The following INSL3 variants were observed in gnomAD, a reference collection of about 807,000 sequenced individuals.
INSL3 encodes the protein insulin like 3, also known as insulin-like 3.
In INSL3, 6 loss-of-function variants were observed where a neutral mutation model predicts 5.5. The observed-to-expected ratio is 1.08, with a 90% confidence interval of 0.59 to 2.14. The LOEUF (loss-of-function observed/expected upper bound fraction) is 2.14. INSL3 is among the 30% of genes most tolerant of loss of function. The probability of loss-of-function intolerance (pLI) is 0.00; values close to 1 mark genes in which losing one functional copy is unlikely to be tolerated. For synonymous variants in INSL3, 86 were observed against 82.1 expected (o/e 1.05, Z -0.26); for missense variants, 178 against 184.7 (o/e 0.96, Z 0.21).
At chr19:17,819,170 G>C (rs1234392245) in intron 1 of INSL3, among the ~76,000 whole-genome samples, 4 of 145,908 alleles carry the variant, frequency 2.7e-5, no homozygotes, top group Non-Finnish European at 6.0e-5. Context: ...GGAGGCAGAG[G>C]TTGCAATGAG....
intron 1 of INSL3, among the ~76,000 whole-genome samples, chr19:17,821,072 C>T (rs1457238355): frequency 6.6e-6 from 1 of 152,146 alleles, no homozygotes; most frequent in Non-Finnish European, 1.5e-5. Context: ...CCACCCGCCT[C>T]AGCCTCCCAA....
intron 1 of INSL3, 112 bp downstream of exon 1, chr19:17,821,205 C>T (rs1305098469): frequency 5.5e-6 from 7 of 1,266,244 alleles, no homozygotes; most frequent in Non-Finnish European, 7.7e-6. Context: ...CAGGTGAGCC[C>T]TGGGCACATG....
intron 1 of INSL3, among the ~76,000 whole-genome samples, chr19:17,819,523 G>A (rs1478403554): frequency 6.6e-6 from 1 of 152,174 alleles, no homozygotes; most frequent in Non-Finnish European, 1.5e-5. Flanking sequence ...GCTGAGGCGG[G>A]CAGATCACCT....
At chr19:17,820,233 G>A (rs967613767) in intron 1 of INSL3, among the ~76,000 whole-genome samples, 2 of 152,186 alleles carry the variant, frequency 1.3e-5, no homozygotes, top group Admixed American at 6.6e-5. Flanking sequence ...GCAGTGAGAC[G>A]AGATCACGTC....
chr19:17,820,124 A>T (rs2094193348), intron 1 of INSL3, among the ~76,000 whole-genome samples: 2 of 151,584 alleles, frequency 1.3e-5, no homozygotes, highest in African/African-American at 4.9e-5. Flanking sequence ...CAAACAAACA[A>T]AATACAAAAA....
chr19:17,818,342 A>C (rs926967507), intron 1 of INSL3, among the ~76,000 whole-genome samples: 17 of 152,196 alleles, frequency 1.1e-4, no homozygotes, highest in African/African-American at 4.1e-4. Context: ...GAGGCCAGGC[A>C]CCGTGGCTCA....
chr19:17,819,563 C>T (rs1306502334), intron 1 of INSL3, among the ~76,000 whole-genome samples: 4 of 152,124 alleles, frequency 2.6e-5, no homozygotes, highest in African/African-American at 7.2e-5. Context: ...CAGCCTGGCC[C>T]GGGCACAGTG....
intron 1 of INSL3, among the ~76,000 whole-genome samples, chr19:17,818,713 AT>A (rs956264602): frequency 5.9e-5 from 9 of 152,030 alleles, no homozygotes; most frequent in African/African-American, 2.2e-4. Flanking sequence ...AACCAGGGTG[AT>A]TTTGTTTCCA....
intron 1 of INSL3, among the ~76,000 whole-genome samples, chr19:17,818,402 G>A (rs1397534048): frequency 6.6e-6 from 1 of 152,108 alleles, no homozygotes; most frequent in East Asian, 1.9e-4. Context: ...CGTTGCTTGA[G>A]CCCAGGAGTT....
At chr19:17,817,321 A>G (rs2094189301) in intron 1 of INSL3, among the ~76,000 whole-genome samples, 1 of 150,370 alleles carries the variant, frequency 6.7e-6, no homozygotes, top group Non-Finnish European at 1.5e-5. Flanking sequence ...ACTAAAAAAA[A>G]AAACAACCAA....
intron 1 of INSL3, 47 bp downstream of exon 1, chr19:17,821,270 C>T (rs1385710988): frequency 6.5e-7 from 1 of 1,535,744 alleles, no homozygotes; most frequent in Non-Finnish European, 8.7e-7. Flanking sequence ...CGTGCACCTG[C>T]CCCACCTCGG....
chr19:17,817,121 C>T, intron 1 of INSL3, 62 bp from the exon 2 acceptor site: 2 of 1,488,472 alleles, frequency 1.3e-6, no homozygotes, highest in Non-Finnish European at 1.8e-6. Flanking sequence ...CCCCATGCTG[C>T]ATGTGCACGA....
chr19:17,820,237 T>G (rs760556800), intron 1 of INSL3, among the ~76,000 whole-genome samples: 1 of 152,092 alleles, frequency 6.6e-6, no homozygotes, highest in African/African-American at 2.4e-5. Context: ...TGAGACGAGA[T>G]CACGTCACAG....
intron 1 of INSL3, chr19:17,820,272 A>G (rs2094193524): frequency 3.4e-6 from 1 of 292,962 alleles, no homozygotes; most frequent in Admixed American, 4.8e-5. Flanking sequence ...TGACAGAGCG[A>G]GGCTATGTCT....
chr19:17,820,155 G>A (rs1366576545), intron 1 of INSL3, among the ~76,000 whole-genome samples: 5 of 151,582 alleles, frequency 3.3e-5, no homozygotes, highest in African/African-American at 4.8e-5. Context: ...GTGGTGGTGC[G>A]TGCCCGCAGT....
At position 17,817,077 on chromosome 19, in the gene INSL3, C is replaced by T. The variant is rs371583854; in HGVS notation, c.191-18G>A. The T allele has an allele frequency of 6.2e-7, 1 of 1,610,086 alleles. No homozygotes were observed. The highest frequency in any genetic ancestry group is 8.5e-7 in the Non-Finnish European group (1 of 1,178,936). On this transcript the variant is annotated intron_variant, in intron 1 of 1. Coordinates refer to ENST00000317306, the MANE Select transcript of INSL3 (RefSeq NM_005543.4). ...CAACTCACCTGGGGACAGAGTGAAA[C>T]TCAGCTGGAACGGAAACGACAGAGG...
intron 1 of INSL3, among the ~76,000 whole-genome samples, chr19:17,819,307 G>A (rs1217256419): frequency 6.6e-6 from 1 of 151,738 alleles, no homozygotes; most frequent in South Asian, 2.1e-4. Context: ...GTCTCAGGCT[G>A]AGTCTCATAT....
At position 17,821,347 on chromosome 19, in the gene INSL3, CG is replaced by C; in HGVS notation, c.159del (p.Glu54LysfsTer73). On this transcript the variant is annotated frameshift_variant, in exon 1 of 2. Transcript: ENST00000317306. LOFTEE classifies it low-confidence loss of function (END_TRUNC). ...CCTCCGGTCGCAGGCCTCCTGGCTT[CG>C]GTGGACCAGCGGGGGCCCCCGCACA... ...VRVCGGPRWS[T>X]EARRPATGGD... 1.9e-6 allele frequency: 3 copies of C among 1,548,990 alleles called. No individual in the cohort carries two copies. Among genetic ancestry groups the C allele is most frequent in the Non-Finnish European group, 1.7e-6 (2 of 1,146,750 alleles).
chr19:17,819,266 T>G (rs1033090968), intron 1 of INSL3, among the ~76,000 whole-genome samples: 1 of 150,282 alleles, frequency 6.7e-6, no homozygotes, highest in Non-Finnish European at 1.5e-5. Context: ...ATAATATTAA[T>G]ATTTTTCCCT....
Sources: gnomAD v4.1 joint callset for allele counts (sites outside exome capture counted in the v4.1 genomes callset) on GRCh38, gnomAD v4.1.1 for gene constraint, MANE v1.5 for transcripts, NCBI Gene and HGNC (gene_info 2026-07-23, HGNC 2026-07-21) for gene names.